Variants in PARD3B observed in about 807,000 individuals in gnomAD.
The protein encoded by PARD3B is par-3 family cell polarity regulator beta, also known as partitioning defective 3 homolog B.
In PARD3B, 103 loss-of-function variants were observed where a neutral mutation model predicts 130.2. The ratio of observed to expected loss-of-function variants is 0.79; its 90% CI spans 0.67 to 0.93. The LOEUF (loss-of-function observed/expected upper bound fraction) is 0.93. Ranked by LOEUF, PARD3B falls within the 40% of genes least tolerant of loss-of-function variation. PARD3B has a pLI of 0.00. For synonymous variants in PARD3B, 583 were observed against 553.2 expected (o/e 1.05, Z -0.76); for missense variants, 1,609 against 1,499.2 (o/e 1.07, Z -1.21).
At chr2:205,153,287 C>A (rs1483718953) in intron 10 of PARD3B, among the ~76,000 whole-genome samples, 1 of 152,206 alleles carries the variant, frequency 6.6e-6, no homozygotes, top group African/African-American at 2.4e-5. Flanking sequence ...AAACTCCATG[C>A]TGAGAGAACC....
chr2:205,100,783 T>C (rs1702720845), intron 4 of PARD3B, among the ~76,000 whole-genome samples: 1 of 152,112 alleles, frequency 6.6e-6, no homozygotes, highest in Non-Finnish European at 1.5e-5. Context: ...CAACTAGATA[T>C]CCACATGCAA....
At chr2:205,500,451 A>G (rs1367589327) in intron 21 of PARD3B, among the ~76,000 whole-genome samples, 1 of 152,182 alleles carries the variant, frequency 6.6e-6, no homozygotes, top group Admixed American at 6.6e-5. Flanking sequence ...GGATCTGAGC[A>G]CTTCACATTC....
intron 21 of PARD3B, among the ~76,000 whole-genome samples, chr2:205,538,324 T>C (rs946947990): frequency 2.6e-5 from 4 of 152,066 alleles, no homozygotes; most frequent in Admixed American, 2.6e-4. Flanking sequence ...CGTAAGGAAA[T>C]GTGAGAGTTT....
rs1050505847 is a variant in PARD3B, at chr2:205,351,883, T to C, written c.2631-49130T>C. 6.6e-6 allele frequency among the ~76,000 whole-genome samples: 1 copy of C among 152,102 alleles called. No homozygotes were observed. The highest frequency in any genetic ancestry group is 2.4e-5 in the African/African-American group (1 of 41,400). ...ACAGCTTCTGAGGGATCTGTTTGTA[T>C]ACATAACATCCCAGTGTCTTTCTGT... On this transcript the variant is annotated intron_variant, in intron 18 of 22. Transcript: ENST00000406610. This position sits in a 1 kb window ranked among gnomAD's most constrained non-coding sequence, Gnocchi z 4.2.
intron 22 of PARD3B, among the ~76,000 whole-genome samples, chr2:205,555,124 T>G (rs2052821460): frequency 6.6e-6 from 1 of 152,154 alleles, no homozygotes; most frequent in Non-Finnish European, 1.5e-5. Context: ...AATGTTCTTA[T>G]GAGAGGGAGT....
chr2:205,155,530 T>TA (rs549853135), intron 10 of PARD3B, among the ~76,000 whole-genome samples: 11 of 151,926 alleles, frequency 7.2e-5, no homozygotes, highest in Non-Finnish European at 1.3e-4. Flanking sequence ...AAAATGAAAA[T>TA]AAAAAAATTT....
In PARD3B at chr2:205,381,070, T is replaced by TATATATAAAGAATATATAATATATAAAGA. The variant is rs1559035679; in HGVS notation, c.2631-19936_2631-19935insAAGAATATATAATATATAAAGAATATATA. 2.1e-4 allele frequency among the ~76,000 whole-genome samples: 7 copies of TATATATAAAGAATATATAATATATAAAGA among 32,574 alleles called. 1 individual carries two copies. The highest frequency in any genetic ancestry group is 9.4e-4 in the African/African-American group (7 of 7,446). The allele number at this position is 32,574 out of a possible 152,430, so 21.4% of individuals were successfully genotyped here. A position where few individuals can be genotyped will look rare whatever the true frequency, so the allele number is the denominator to read the frequency against. ...TATATTATATATAAAGAATATATAT[T>TATATATAAAGAATATATAATATATAAAGA]ATATATATTATATATAAAGAATATA... On this transcript the variant is annotated intron_variant, in intron 18 of 22. Transcript: ENST00000406610.
intron 18 of PARD3B, among the ~76,000 whole-genome samples, chr2:205,357,200 A>T (rs12470003): frequency 2.0e-5 from 3 of 152,080 alleles, no homozygotes; most frequent in South Asian, 2.1e-4. Context: ...AGAGAAGGAC[A>T]TTTTTTCCTA....
chr2:205,005,918 G>A (rs1695224802), intron 3 of PARD3B, among the ~76,000 whole-genome samples: 3 of 152,192 alleles, frequency 2.0e-5, no homozygotes, highest in African/African-American at 7.2e-5. Flanking sequence ...CACTTGAGCA[G>A]TGTACACTGC....
At chr2:205,104,281 C>A in intron 4 of PARD3B, 145 bp from the exon 5 acceptor site, 3 of 602,458 alleles carry the variant, frequency 5.0e-6, no homozygotes, top group South Asian at 4.6e-5. Context: ...AAAAGATTAA[C>A]ACCTGCTTCC....
At position 205,550,975 on chromosome 2, in the gene PARD3B, A is replaced by G. The variant is rs1195402361; in HGVS notation, c.3181-2349A>G. On this transcript the variant is annotated intron_variant, in intron 21 of 22. Coordinates refer to ENST00000406610, the MANE Select transcript of PARD3B (RefSeq NM_001302769.2). This position sits in a 1 kb window ranked among gnomAD's most constrained non-coding sequence, Gnocchi z 4.5. ...TATGTGTATATATATATATATATAT[A>G]TACACACACACACACACACACACAC... Among the ~76,000 whole-genome samples the G allele has an allele frequency of 2.1e-5, 2 of 95,846 alleles. No individual in the cohort carries two copies. The highest frequency in any genetic ancestry group is 2.4e-5 in the Non-Finnish European group (1 of 41,776). The allele number at this position is 95,846 out of a possible 152,430, so 62.9% of individuals were successfully genotyped here.
chr2:205,439,479 T>G (rs1285349794), intron 19 of PARD3B, among the ~76,000 whole-genome samples: 1 of 152,200 alleles, frequency 6.6e-6, no homozygotes, highest in Non-Finnish European at 1.5e-5. Flanking sequence ...CCTTTCCATT[T>G]TAATACATTA....
intron 3 of PARD3B, among the ~76,000 whole-genome samples, chr2:204,995,718 C>T (rs1319502445): frequency 2.7e-5 from 3 of 110,918 alleles, no homozygotes; most frequent in Non-Finnish European, 5.4e-5. Flanking sequence ...TCAGGTACAC[C>T]AATCAGACGT....
Position 205,103,730 on chromosome 2 carries a change from G to A in PARD3B, c.505-696G>A, listed in dbSNP as rs907157031. Reference sequence around the variant, plus strand: ...TTCTGTAAGGAAGCAGCAGCATCAGGCGTGCTTTCTAGAATCCATCCTCTC... The same window carrying A: ...TTCTGTAAGGAAGCAGCAGCATCAGACGTGCTTTCTAGAATCCATCCTCTC... On this transcript the variant is annotated intron_variant, in intron 4 of 22. Transcript: ENST00000406610. 7 of 985,332 alleles carry A rather than the reference G, an allele frequency of 7.1e-6. No individual in the cohort carries two copies. The South Asian group carries it at 1.4e-4, about 20-fold the overall frequency. The allele number at this position is 985,332 out of a possible 1,614,324, so 61.0% of individuals were successfully genotyped here.
At chr2:204,810,150 A>T (rs2125521251) in intron 2 of PARD3B, among the ~76,000 whole-genome samples, 1 of 152,136 alleles carries the variant, frequency 6.6e-6, no homozygotes, top group South Asian at 2.1e-4. Flanking sequence ...TTGGGCTGAG[A>T]CTGTAGAGTT....
chr2:204,719,259 C>T (rs1019996908), intron 2 of PARD3B, among the ~76,000 whole-genome samples: 2 of 152,166 alleles, frequency 1.3e-5, no homozygotes, highest in African/African-American at 4.8e-5. Context: ...AATTATTTCA[C>T]AGCCAGCAAG....
At chr2:205,544,999 G>T (rs1432393028) in intron 21 of PARD3B, among the ~76,000 whole-genome samples, 2 of 152,194 alleles carry the variant, frequency 1.3e-5, no homozygotes, top group Non-Finnish European at 2.9e-5. Flanking sequence ...TAAACTAGCA[G>T]ATGTTCTAGA....
chr2:205,357,246 G>A (rs973072136), intron 18 of PARD3B, among the ~76,000 whole-genome samples: 65 of 152,206 alleles, frequency 4.3e-4, no homozygotes, highest in Non-Finnish European at 1.5e-5. Flanking sequence ...TTCCCTAGGA[G>A]TTTCGGGTGT....
At chr2:204,918,546 C>T (rs1353679952) in intron 2 of PARD3B, among the ~76,000 whole-genome samples, 2 of 148,476 alleles carry the variant, frequency 1.3e-5, no homozygotes, top group African/African-American at 2.5e-5. Flanking sequence ...AGGAGAATGG[C>T]GTGAACCCGG....
Sources: allele counts gnomAD v4.1 joint callset (sites outside exome capture counted in the v4.1 genomes callset), GRCh38; gene constraint gnomAD v4.1.1; non-coding constraint Gnocchi (gnomAD v3.1); transcripts MANE v1.5; gene names NCBI Gene and HGNC (gene_info 2026-07-23, HGNC 2026-07-21).